The following SLF1 variants were observed in gnomAD, a reference collection of about 807,000 sequenced individuals.
SLF1 encodes the protein SMC5-SMC6 complex localization factor protein 1.
A neutral mutation model predicts 123.0 loss-of-function variants in SLF1; 105 were observed. The observed-to-expected ratio is 0.85, with a 90% CI of 0.73 to 1.00. The LOEUF (loss-of-function observed/expected upper bound fraction) is 1.00, where lower values mean the gene tolerates loss of function less well. SLF1 is among the 50% of genes least tolerant of loss of function. The pLI, the probability that SLF1 is intolerant of heterozygous loss-of-function variation, is 0.00. For synonymous variants in SLF1, 434 were observed against 406.6 expected, an observed-to-expected ratio of 1.07 and a Z score of -0.81; for missense variants, 1,239 against 1,223.0, an observed-to-expected ratio of 1.01 and a Z score of -0.20.
chr5:94,671,223 A>T (rs1481784493), intron 14 of SLF1, among the ~76,000 whole-genome samples: 1 of 151,924 alleles, frequency 6.6e-6, no homozygotes, highest in Non-Finnish European at 1.5e-5. Flanking sequence ...CTAGTGAATT[A>T]TATGATAGTT....
Position 94,637,688 on chromosome 5 carries a change from G to A in SLF1, c.432-5585G>A, listed in dbSNP as rs563885139. Among the ~76,000 whole-genome samples the A allele has an allele frequency of 1.2e-4, 18 of 152,186 alleles. No homozygotes were observed. In the East Asian group the frequency reaches 3.5e-3, roughly 29 times the overall value. On this transcript the variant is annotated intron_variant, in intron 4 of 20. Coordinates refer to ENST00000265140, the MANE Select transcript of SLF1 (RefSeq NM_032290.4). ...TAAAGTTCTGAGTGTGGCAGAACTA[G>A]CCTCTGTACTTTAATGAAGTACACT...
chr5:94,678,082 G>A lies in SLF1; in HGVS notation c.1828-726G>A, dbSNP rs546647247. Among the ~76,000 whole-genome samples the A allele has an allele frequency of 8.7e-4, 133 of 152,082 alleles. 1 individual carries two copies. Among genetic ancestry groups the A allele is most frequent in the African/African-American group, 2.9e-3 (122 of 41,482 alleles). On this transcript the variant is annotated intron_variant, in intron 14 of 20. Transcript: ENST00000265140. ...ACTGCAGGTGCCCGCCACCACGCCCGGCTAACTTTTTGTATTTTTAGTAGA... is the reference window on the plus strand; with the variant it reads ...ACTGCAGGTGCCCGCCACCACGCCCAGCTAACTTTTTGTATTTTTAGTAGA...
chr5:94,630,428 T>C (rs1745078127), intron 3 of SLF1, 75 bp from the exon 4 acceptor site: 2 of 1,437,002 alleles, frequency 1.4e-6, no homozygotes, highest in African/African-American at 2.9e-5. Context: ...GGTTGACTTT[T>C]ATATTTGATC....
chr5:94,657,355 A>G (rs1748527393), intron 9 of SLF1, among the ~76,000 whole-genome samples: 1 of 151,990 alleles, frequency 6.6e-6, no homozygotes, highest in Admixed American at 6.5e-5. Flanking sequence ...TACAGTTTCC[A>G]AAGTTTTTCT....
chr5:94,618,557 G>A (rs903502540), upstream of SLF1: 3 of 153,624 alleles, frequency 2.0e-5, no homozygotes, highest in Admixed American at 6.5e-5. Context: ...CCAGACTCAA[G>A]CTCTGCACCA....
In SLF1 at chr5:94,686,457, T is replaced by A. The variant is rs1391448640; in HGVS notation, c.1976-116T>A. 26 of 1,101,710 alleles carry A rather than the reference T, an allele frequency of 2.4e-5. No homozygotes were observed. In the East Asian group the frequency reaches 5.1e-4, roughly 22 times the overall value. The allele number at this position is 1,101,710 out of a possible 1,614,324, so 68.2% of individuals were successfully genotyped here. A position where few individuals can be genotyped will look rare whatever the true frequency, so the allele number is the denominator to read the frequency against. ...TGTGGATTAAAATCATGTGGATGAA[T>A]CTTATAGGTGTAAGAGCTCTCATTT... On this transcript the variant is annotated intron_variant, in intron 15 of 20. Transcript: ENST00000265140.
At chr5:94,629,021 C>T in intron 2 of SLF1, 71 bp from the exon 3 acceptor site, 1 of 1,406,840 alleles carries the variant, frequency 7.1e-7, no homozygotes, top group Non-Finnish European at 9.7e-7. Context: ...GATATTGTAG[C>T]AATAAAAAGG....
chr5:94,657,550 G>A (rs1340567624), intron 9 of SLF1, among the ~76,000 whole-genome samples: 2 of 151,978 alleles, frequency 1.3e-5, no homozygotes, highest in African/African-American at 2.4e-5. Flanking sequence ...TGTCTGTTAG[G>A]TTCATTTGTT....
Position 94,618,700 on chromosome 5 carries a change from G to A in SLF1, c.-66G>A, listed in dbSNP as rs1349024879. On this transcript the variant is annotated 5_prime_UTR_variant, in exon 1 of 21. Transcript: ENST00000265140. ...GCCCGGATTCGTGAAGCAGTTGAGT[G>A]CTGCAGCGGCAGTCGTCGCCCCTGC... is the stretch of plus-strand genomic sequence containing the variant. 6.5e-6 allele frequency: 1 copy of A among 154,846 alleles called. No homozygotes were observed. The highest frequency in any genetic ancestry group is 1.5e-5 in the Non-Finnish European group (1 of 68,284). 9.6% of individuals were successfully genotyped at this position (154,846 alleles called of 1,614,324 possible).
chr5:94,652,961 G>A (rs1280004461), intron 7 of SLF1, among the ~76,000 whole-genome samples: 2 of 152,074 alleles, frequency 1.3e-5, no homozygotes, highest in Middle Eastern at 3.2e-3. Flanking sequence ...AGGTTCAAGC[G>A]ATTCACCTGC....
Position 94,694,868 on chromosome 5 carries a change from A to G in SLF1, c.2733A>G (p.Glu911=). 6.3e-7 allele frequency: 1 copy of G among 1,599,036 alleles called. No homozygotes were observed. Among genetic ancestry groups the G allele is most frequent in the Non-Finnish European group, 8.5e-7 (1 of 1,174,518 alleles). ...VLLQQRNAKG[E]LPLDYVVSPQ... is the part of the protein sequence containing the mutation. ...TACAACAGAGGAATGCTAAGGGAGA[A>G]TTGCCCTTGGATTATGTGGTTTCAC... is the stretch of plus-strand genomic sequence containing the variant. Residue 911 remains glutamate (E), a synonymous_variant, in exon 21 of 21, where the codon GAA becomes GAG. Coordinates refer to ENST00000265140, the MANE Select transcript of SLF1 (RefSeq NM_032290.4).
intron 1 of SLF1, among the ~76,000 whole-genome samples, chr5:94,628,189 A>G (rs1035606748): frequency 1.3e-5 from 2 of 151,812 alleles, no homozygotes. Flanking sequence ...TCTGTCACCC[A>G]GGCTGGAGTG....
Position 94,688,837 on chromosome 5 carries a change from G to C in SLF1, c.2285+168G>C, listed in dbSNP as rs373265658. Among the ~76,000 whole-genome samples the C allele has an allele frequency of 4.6e-5, 7 of 152,224 alleles. No individual in the cohort carries two copies. The East Asian group carries it at 1.3e-3, about 29-fold the overall frequency. On this transcript the variant is annotated intron_variant, in intron 17 of 20. Transcript: ENST00000265140. The stretch of plus-strand genomic sequence containing the variant: ...AACATTTTCTGTTTCTGTAATTCAA[G>C]GTACATGCTTTCTAAGTGCTTCCCA...
chr5:94,671,304 C>T (rs1750419606), intron 14 of SLF1, among the ~76,000 whole-genome samples: 1 of 151,512 alleles, frequency 6.6e-6, no homozygotes. Flanking sequence ...TCATGAAGAA[C>T]TTAAGATTTA....
At chr5:94,672,262 G>A (rs1750552502) in intron 14 of SLF1, among the ~76,000 whole-genome samples, 1 of 152,078 alleles carries the variant, frequency 6.6e-6, no homozygotes, top group South Asian at 2.1e-4. Flanking sequence ...TTAGGGTGGA[G>A]AGCTCTGGTA....
chr5:94,670,189 C>G lies in SLF1; in HGVS notation c.1571C>G (p.Ser524Ter). 3 of 1,536,480 alleles carry G rather than the reference C, an allele frequency of 2.0e-6. No individual in the cohort carries two copies. The highest frequency in any genetic ancestry group is 2.6e-6 in the Non-Finnish European group (3 of 1,141,608). The change falls in exon 13 of 21, where the codon TCA (serine) becomes TGA (stop). Residue 524 changes from serine to a stop codon, truncating the protein, a stop_gained. Transcript: ENST00000265140. LOFTEE classifies it high-confidence loss of function. ...AATGAAAGCTTTTGTCATCAAATTTCAGAAAATATTGGCTCCAAGGTGCTC... is the reference window on the plus strand; with the variant it reads ...AATGAAAGCTTTTGTCATCAAATTTGAGAAAATATTGGCTCCAAGGTGCTC... ...LFNESFCHQI[S>*]ENIGSKVLHL...
At chr5:94,670,101 A>T in intron 12 of SLF1, 50 bp from the exon 13 acceptor site, 5 of 1,475,254 alleles carry the variant, frequency 3.4e-6, no homozygotes, top group Non-Finnish European at 4.5e-6. Context: ...TTCACAAATG[A>T]CTTAGTGAAT....
At chr5:94,669,852 T>C (rs1037250014) in intron 12 of SLF1, among the ~76,000 whole-genome samples, 15 of 151,988 alleles carry the variant, frequency 9.9e-5, no homozygotes, top group African/African-American at 1.7e-4. Context: ...ATCTATAATC[T>C]TTGTTCTCAT....
intron 4 of SLF1, among the ~76,000 whole-genome samples, chr5:94,633,374 T>A (rs1745419291): frequency 6.6e-6 from 1 of 152,264 alleles, no homozygotes; most frequent in Non-Finnish European, 1.5e-5. Context: ...GGTTCATTTT[T>A]AATATTTTGC....
Sources: allele counts gnomAD v4.1 joint callset (sites outside exome capture counted in the v4.1 genomes callset), GRCh38; gene constraint gnomAD v4.1.1; transcripts MANE v1.5; gene names NCBI Gene and HGNC (gene_info 2026-07-23, HGNC 2026-07-21).